The following TNS3 variants were observed in gnomAD, a reference collection of about 807,000 sequenced individuals.
The protein encoded by TNS3 is tensin 3.
A neutral mutation model predicts 140.9 loss-of-function variants in TNS3; 45 were observed. The observed-to-expected ratio is 0.32, with a 90% CI of 0.25 to 0.41. The LOEUF is 0.41. Ranked by LOEUF, TNS3 falls within the 10% of genes least tolerant of loss-of-function variation. TNS3 has a pLI of 1.00. For missense variants in TNS3, 1,716 were observed against 1,906.7 expected (o/e 0.90, Z 1.86); for synonymous variants, 815 against 788.4 (o/e 1.03, Z -0.56).
intron 4 of TNS3, among the ~76,000 whole-genome samples, chr7:47,459,642 G>C (rs1476795532): frequency 1.3e-5 from 2 of 152,126 alleles, no homozygotes; most frequent in Non-Finnish European, 2.9e-5. Flanking sequence ...CCAGTGTCTG[G>C]TGCATCAGAG....
At chr7:47,292,333 T>C (rs1785753075) in intron 26 of TNS3, among the ~76,000 whole-genome samples, 1 of 152,244 alleles carries the variant, frequency 6.6e-6, no homozygotes, top group Non-Finnish European at 1.5e-5. Context: ...ACCATTTTTA[T>C]GTGAAGTTGT....
chr7:47,492,296 T>C (rs1797843344), intron 3 of TNS3, among the ~76,000 whole-genome samples: 1 of 152,244 alleles, frequency 6.6e-6, no homozygotes, highest in African/African-American at 2.4e-5. Context: ...TTGGAGCCCA[T>C]GTGCCTGGTG....
rs2151148102 is a variant in TNS3 at position 47,369,028 on chromosome 7, C to G, written c.1618G>C (p.Asp540His). 1.9e-6 allele frequency: 3 copies of G among 1,614,038 alleles called. 1 individual carries two copies. The highest frequency in any genetic ancestry group is 3.3e-5 in the Admixed American group (2 of 60,036). ...GGGCCGTCCATGCCAAGGCCCAGGT[C>G]CGGAACGAGGGTGCCCTGCGGATCT... ...GEDPQGTLVPDLGLGMDGPYE... is the reference protein window; with the variant it reads ...GEDPQGTLVPHLGLGMDGPYE... Residue 540 changes from aspartate (D) to histidine (H), a missense_variant, in exon 17 of 31, where the codon GAC (aspartate) becomes CAC (histidine). Asp to His is a moderately conservative substitution (Grantham distance 81). Around this residue, in one of 3 missense-constraint regions of TNS3, gnomAD observed 1,163 missense variants for 1,182.1 expected, o/e 0.98. Transcript: ENST00000311160.
intron 1 of TNS3, among the ~76,000 whole-genome samples, chr7:47,532,196 G>A (rs1350873197): frequency 4.6e-5 from 7 of 152,148 alleles, no homozygotes; most frequent in Non-Finnish European, 1.0e-4. Context: ...GAATGGCAGC[G>A]GTAGGCAAAG....
intron 20 of TNS3, among the ~76,000 whole-genome samples, chr7:47,335,133 C>G (rs141437590): frequency 5.3e-5 from 8 of 152,286 alleles, no homozygotes; most frequent in African/African-American, 1.9e-4. Context: ...ATTTGAGGCT[C>G]CCATGTGGAA....
chr7:47,579,840 G>A (rs1784486714), intron 1 of TNS3: 1 of 985,366 alleles, frequency 1.0e-6, no homozygotes, highest in Non-Finnish European at 1.2e-6. Context: ...TCCACTCACT[G>A]TTCTTGCCAT....
At chr7:47,316,761 G>C (rs951402323) in intron 20 of TNS3, among the ~76,000 whole-genome samples, 4 of 138,792 alleles carry the variant, frequency 2.9e-5, no homozygotes, top group African/African-American at 1.1e-4. Flanking sequence ...CTGGGCAACA[G>C]AGCGAGACTC....
At chr7:47,377,631 G>C (rs1791477619) in intron 16 of TNS3, among the ~76,000 whole-genome samples, 1 of 150,774 alleles carries the variant, frequency 6.6e-6, no homozygotes, top group Non-Finnish European at 1.5e-5. Context: ...AGACAAAAAT[G>C]AGACTCACAG....
At chr7:47,421,184 CAGAAA>C (rs747664720) in intron 10 of TNS3, among the ~76,000 whole-genome samples, 2 of 152,110 alleles carry the variant, frequency 1.3e-5, no homozygotes, top group Non-Finnish European at 2.9e-5. Context: ...AAAGGAAAGG[CAGAAA>C]AGAAAAGAGA....
intron 1 of TNS3, among the ~76,000 whole-genome samples, chr7:47,540,206 A>G (rs1173186431): frequency 2.0e-5 from 3 of 152,182 alleles, no homozygotes; most frequent in Non-Finnish European, 4.4e-5. Context: ...CTTCCCAGGA[A>G]CAAAATGAGG....
At chr7:47,545,181 C>T (rs569287724) in intron 1 of TNS3, among the ~76,000 whole-genome samples, 2 of 135,182 alleles carry the variant, frequency 1.5e-5, no homozygotes, top group African/African-American at 2.8e-5. Flanking sequence ...CTCGCTCTGT[C>T]GCCTGGAGTG....
At chr7:47,340,576 C>CTTTTTTTTTTTTT (rs1554297310) in intron 20 of TNS3, among the ~76,000 whole-genome samples, 4 of 130,170 alleles carry the variant, frequency 3.1e-5, no homozygotes, top group Admixed American at 8.3e-5. Flanking sequence ...CTGGGATTTT[C>CTTTTTTTTTTTTT]TTTTTTTTCT....
chr7:47,433,105 G>A (rs571611954), intron 8 of TNS3, among the ~76,000 whole-genome samples: 4 of 152,252 alleles, frequency 2.6e-5, no homozygotes, highest in Non-Finnish European at 4.4e-5. Context: ...TGCATCACAC[G>A]GCAGAACGGG....
chr7:47,414,677 AAGG>A (rs560768451), intron 11 of TNS3, among the ~76,000 whole-genome samples: 1 of 152,144 alleles, frequency 6.6e-6, no homozygotes, highest in Non-Finnish European at 1.5e-5. Context: ...GGTCATTTTA[AAGG>A]AGGAGGAGGA....
chr7:47,433,883 A>ATCTCTCTCTC (rs55743320), intron 8 of TNS3, among the ~76,000 whole-genome samples: 2 of 149,448 alleles, frequency 1.3e-5, no homozygotes, highest in African/African-American at 4.9e-5. Context: ...CCGTCTGTCT[A>ATCTCTCTCTC]TCTCTCTCTC....
chr7:47,572,927 T>C (rs1800591986), intron 1 of TNS3, among the ~76,000 whole-genome samples: 1 of 152,124 alleles, frequency 6.6e-6, no homozygotes, highest in Admixed American at 6.5e-5. Context: ...CTCAAATTTT[T>C]CATCAGAATA....
intron 3 of TNS3, among the ~76,000 whole-genome samples, chr7:47,504,050 G>A (rs1244692917): frequency 6.6e-6 from 1 of 152,146 alleles, no homozygotes; most frequent in African/African-American, 2.4e-5. Flanking sequence ...CAAACATCAA[G>A]ACCATAGCAA....
chr7:47,452,442 G>A (rs12702339), intron 4 of TNS3, among the ~76,000 whole-genome samples: 18,969 of 152,290 alleles, frequency 0.12, 1,536 homozygotes, highest in Non-Finnish European at 0.17. Context: ...CCCATGGAGG[G>A]TGGGAAACTA....
intron 17 of TNS3, among the ~76,000 whole-genome samples, chr7:47,350,658 T>TGGACTCTGCCTCTC (rs1789613672): frequency 6.6e-6 from 1 of 152,208 alleles, no homozygotes; most frequent in South Asian, 2.1e-4. Flanking sequence ...TTGGCAGGGG[T>TGGACTCTGCCTCTC]GGACTCTGCC....
Sources: allele counts gnomAD v4.1 joint callset (sites outside exome capture counted in the v4.1 genomes callset), GRCh38; gene constraint gnomAD v4.1.1; regional missense constraint gnomAD v4.1.1; transcripts MANE v1.5; gene names NCBI Gene and HGNC (gene_info 2026-07-23, HGNC 2026-07-21).